Variants in POP1 observed in about 807,000 individuals in gnomAD.
POP1 encodes the protein ribonucleases P/MRP protein subunit POP1.
Under a neutral mutation model 102.2 loss-of-function variants are expected in POP1, and 75 were observed. The observed-to-expected ratio is 0.73, with a 90% CI of 0.61 to 0.89. POP1 has a LOEUF of 0.89. Ranked by LOEUF, POP1 falls within the 40% of genes least tolerant of loss-of-function variation. The probability of loss-of-function intolerance (pLI) is 0.00; values close to 1 mark genes in which losing one functional copy is unlikely to be tolerated. For missense variants in POP1, 1,116 were observed against 1,267.4 expected, an observed-to-expected ratio of 0.88 and a Z score of 1.81; for synonymous variants, 436 against 464.1, an observed-to-expected ratio of 0.94 and a Z score of 0.78.
Position 98,127,886 on chromosome 8 carries a change from T to G in POP1, c.310+124T>G. Reference sequence around the variant, plus strand: ...CTACCTCTCCTCTCCTCCTCCTACTTTAGACCCTTCTCGCCTCTAGCCTGG... The same window carrying G: ...CTACCTCTCCTCTCCTCCTCCTACTGTAGACCCTTCTCGCCTCTAGCCTGG... On this transcript the variant is annotated intron_variant, in intron 3 of 15. Transcript: ENST00000401707. 1.9e-6 allele frequency: 2 copies of G among 1,045,154 alleles called. 1 individual carries two copies. 64.7% of individuals were successfully genotyped at this position (1,045,154 alleles called of 1,614,324 possible).
At chr8:98,122,195 T>G (rs1816049849) in intron 1 of POP1, among the ~76,000 whole-genome samples, 1 of 152,170 alleles carries the variant, frequency 6.6e-6, no homozygotes, top group Admixed American at 6.5e-5. Flanking sequence ...AGTTTGTACT[T>G]TTTTTGGCAG....
intron 6 of POP1, 70 bp downstream of exon 6, chr8:98,134,106 A>G (rs954089670): frequency 2.6e-6 from 3 of 1,162,988 alleles, no homozygotes; most frequent in East Asian, 2.4e-5. Flanking sequence ...AGAAGTGTCT[A>G]CTGTAAGCAT....
chr8:98,153,669 C>T (rs1209705135), intron 14 of POP1, among the ~76,000 whole-genome samples: 1 of 150,832 alleles, frequency 6.6e-6, no homozygotes, highest in African/African-American at 2.4e-5. Context: ...TTCCGAGTAG[C>T]TAGGATTACA....
intron 13 of POP1, 89 bp from the exon 14 acceptor site, chr8:98,150,396 T>G: frequency 8.6e-6 from 12 of 1,401,368 alleles, no homozygotes; most frequent in Middle Eastern, 1.8e-4. Flanking sequence ...TGAGGGGCGT[T>G]TAGGTTGTTT....
rs139676370 is a variant in POP1 at position 98,138,874 on chromosome 8, A to T, written c.1363-1204A>T. ...TTTTTTTTTTTTTTTTTTGTTTGAGACAGAGCCTCACTCTGTCACCCAGGC... is the reference window on the plus strand; with the variant it reads ...TTTTTTTTTTTTTTTTTTGTTTGAGTCAGAGCCTCACTCTGTCACCCAGGC... On this transcript the variant is annotated intron_variant, in intron 9 of 15. Transcript: ENST00000401707. Among the ~76,000 whole-genome samples, 168 of 137,462 alleles carry T rather than the reference A, an allele frequency of 1.2e-3. 1 individual carries two copies. Among genetic ancestry groups the T allele is most frequent in the East Asian group, 5.2e-3 (25 of 4,812 alleles). 90.2% of individuals were successfully genotyped at this position (137,462 alleles called of 152,430 possible).
chr8:98,130,123 G>T lies in POP1; in HGVS notation c.632G>T (p.Arg211Leu). The T allele has an allele frequency of 6.2e-7, 1 of 1,614,148 alleles. No homozygotes were observed. Among genetic ancestry groups the T allele is most frequent in the Non-Finnish European group, 8.5e-7 (1 of 1,180,030 alleles). ...GAAACTCACATCTGGCACGCCAAGC[G>T]GTTTCATATGGTCAAGAAGTGGGGC... The part of the protein sequence containing the change: ...WLETHIWHAK[R>L]FHMVKKWGYC... The change falls in exon 5 of 16, where the codon CGG becomes CTG. Residue 211 changes from arginine to leucine, a missense_variant. Physicochemically the swap from Arg to Leu is moderately radical, Grantham distance 102. Coordinates refer to ENST00000401707, the MANE Select transcript of POP1 (RefSeq NM_001145860.2).
At chr8:98,120,684 T>C (rs1190965844) in intron 1 of POP1, among the ~76,000 whole-genome samples, 3 of 150,562 alleles carry the variant, frequency 2.0e-5, no homozygotes, top group Admixed American at 2.0e-4. Flanking sequence ...TCTTGCTCCG[T>C]CGCCCAGGCT....
At chr8:98,150,292 C>T (rs555258772) in intron 13 of POP1, among the ~76,000 whole-genome samples, 193 bp from the exon 14 acceptor site, 21 of 152,292 alleles carry the variant, frequency 1.4e-4, no homozygotes, top group African/African-American at 4.8e-4. Flanking sequence ...AGATTCTTTT[C>T]CATATTGGTT....
At chr8:98,131,230 A>G (rs1000707694) in intron 5 of POP1, among the ~76,000 whole-genome samples, 2 of 152,214 alleles carry the variant, frequency 1.3e-5, no homozygotes, top group African/African-American at 4.8e-5. Flanking sequence ...TTATCCTTCC[A>G]AACTGAAACT....
intron 3 of POP1, 121 bp downstream of exon 3, chr8:98,127,883 A>G: frequency 9.4e-7 from 1 of 1,059,430 alleles, no homozygotes. Flanking sequence ...TCCTCCTCCT[A>G]CTTTAGACCC....
intron 11 of POP1, among the ~76,000 whole-genome samples, chr8:98,145,414 A>G (rs931440608): frequency 6.6e-6 from 1 of 152,188 alleles, no homozygotes; most frequent in Non-Finnish European, 1.5e-5. Context: ...TCTAATGAAA[A>G]TTCTTCAGTT....
intron 9 of POP1, among the ~76,000 whole-genome samples, chr8:98,138,490 T>C (rs1436752676): frequency 6.6e-6 from 1 of 152,222 alleles, no homozygotes; most frequent in Non-Finnish European, 1.5e-5. Context: ...TCTCTAGCAT[T>C]TCCCTCTAGC....
intron 2 of POP1, among the ~76,000 whole-genome samples, chr8:98,123,704 G>C (rs1816105757): frequency 1.3e-5 from 2 of 151,588 alleles, no homozygotes; most frequent in African/African-American, 2.4e-5. Context: ...TTGAACCTGG[G>C]AGGTGGAGGT....
Position 98,134,548 on chromosome 8 carries a change from T to C in POP1, c.900T>C (p.Tyr300=). The change falls in exon 7 of 16, where the codon TAT becomes TAC. Residue 300 remains tyrosine (Y), a synonymous_variant. Coordinates refer to ENST00000401707, the MANE Select transcript of POP1 (RefSeq NM_001145860.2). ...GSLVLYRVNK[Y]PREMLGPVTF... ...TTGTGCTTTATCGGGTGAATAAATA[T>C]CCCAGAGAAATGCTTGGGCCTGTTA... 2 of 1,614,180 alleles carry C rather than the reference T, an allele frequency of 1.2e-6. No homozygotes were observed. Among genetic ancestry groups the C allele is most frequent in the Non-Finnish European group, 1.7e-6 (2 of 1,180,020 alleles).
chr8:98,147,663 C>T (rs1010821678), intron 12 of POP1, among the ~76,000 whole-genome samples: 5 of 152,006 alleles, frequency 3.3e-5, no homozygotes, highest in Non-Finnish European at 5.9e-5. Context: ...CTAGGTATGA[C>T]ATAATGGGGG....
chr8:98,143,501 C>T (rs1026259311), intron 11 of POP1, among the ~76,000 whole-genome samples: 3 of 151,902 alleles, frequency 2.0e-5, no homozygotes, highest in African/African-American at 4.8e-5. Context: ...ATCCATGAAC[C>T]GACATTAACA....
chr8:98,147,192 A>G (rs1809378778), intron 12 of POP1, among the ~76,000 whole-genome samples: 1 of 152,238 alleles, frequency 6.6e-6, no homozygotes, highest in Admixed American at 6.5e-5. Flanking sequence ...CAGGGCACTC[A>G]GGAAACCTCT....
rs767608480 is a variant in POP1, at chr8:98,140,143, C to T, written c.1428C>T (p.Ser476=). 19 of 1,613,890 alleles carry T rather than the reference C, an allele frequency of 1.2e-5. No individual in the cohort carries two copies. In the East Asian group the frequency reaches 1.3e-4, roughly 11 times the overall value. The part of the protein sequence containing the change: ...WWIETCKKPD[S]VSLHCRQEAI... ...TAGAAACCTGTAAGAAACCTGACAG[C>T]GTTTCCCTTCATTGCAGACAAGAAG... The change falls in exon 10 of 16, where the codon AGC becomes AGT. Residue 476 remains serine, a synonymous_variant. Transcript: ENST00000401707.
In POP1 at chr8:98,127,589, T is replaced by C. The variant is rs1455345262; in HGVS notation, c.143-6T>C. ...GGTGACATGTTTCTTTTTGAAAATA[T>C]ACTAGAGCCTCATCCTGGAACTTCA... is the stretch of plus-strand genomic sequence containing the variant. On this transcript the variant is annotated splice_polypyrimidine_tract_variant and splice_region_variant and intron_variant, in intron 2 of 15. Coordinates refer to ENST00000401707, the MANE Select transcript of POP1 (RefSeq NM_001145860.2). 4.3e-6 allele frequency: 7 copies of C among 1,614,010 alleles called. No individual in the cohort carries two copies. Among genetic ancestry groups the C allele is most frequent in the African/African-American group, 4.0e-5 (3 of 74,910 alleles).
Sources: gnomAD v4.1 joint callset for allele counts (sites outside exome capture counted in the v4.1 genomes callset) on GRCh38, gnomAD v4.1.1 for gene constraint, MANE v1.5 for transcripts, NCBI Gene and HGNC (gene_info 2026-07-23, HGNC 2026-07-21) for gene names.